The following ZSWIM5 variants were observed in gnomAD, a reference collection of about 807,000 sequenced individuals.
The protein encoded by ZSWIM5 is zinc finger SWIM-type containing 5.
A neutral mutation model predicts 119.6 loss-of-function variants in ZSWIM5; 55 were observed. The ratio of observed to expected loss-of-function variants is 0.46; its 90% CI spans 0.37 to 0.58. ZSWIM5 has a LOEUF of 0.58. ZSWIM5 is among the 20% of genes least tolerant of loss of function. The pLI is 0.00. For missense variants in ZSWIM5, 1,193 were observed against 1,512.8 expected, an observed-to-expected ratio of 0.79 and a Z score of 3.51; for synonymous variants, 537 against 606.9, an observed-to-expected ratio of 0.88 and a Z score of 1.69.
intron 11 of ZSWIM5, among the ~76,000 whole-genome samples, chr1:45,033,895 C>T (rs1345294183): frequency 1.3e-5 from 2 of 150,996 alleles, no homozygotes; most frequent in Non-Finnish European, 2.9e-5. Context: ...CGGAGTCTTG[C>T]TCTGTCACCC....
chr1:45,019,278 T>C lies in ZSWIM5; in HGVS notation c.2734A>G (p.Thr912Ala). ...ALVSILQSWYTLFTPTEATSI... is the reference protein window; with the variant it reads ...ALVSILQSWYALFTPTEATSI... ...GTAGCCTCAGTAGGGGTGAAGAGTG[T>C]GTACCAGCTCTGCAAGATGCTCACC... Residue 912 changes from threonine (T) to alanine (A), a missense_variant, in exon 14 of 14, where the codon ACA (threonine) becomes GCA (alanine). Transcript: ENST00000359600. This position sits in a 1 kb window ranked among gnomAD's most constrained non-coding sequence, Gnocchi z 5.0. 1.2e-6 allele frequency: 2 copies of C among 1,613,428 alleles called. No individual in the cohort carries two copies. The highest frequency in any genetic ancestry group is 1.7e-6 in the Non-Finnish European group (2 of 1,179,978).
chr1:45,151,949 T>C (rs1351300858), intron 1 of ZSWIM5, among the ~76,000 whole-genome samples: 1 of 152,240 alleles, frequency 6.6e-6, no homozygotes. Context: ...CTGGTACTTA[T>C]TGGTATCTAC....
At chr1:45,048,496 C>CT in intron 5 of ZSWIM5, among the ~76,000 whole-genome samples, 2 of 152,184 alleles carry the variant, frequency 1.3e-5, no homozygotes, top group East Asian at 3.9e-4. Context: ...ACCAAGGACT[C>CT]TAACGTGGAT....
intron 2 of ZSWIM5, among the ~76,000 whole-genome samples, chr1:45,065,894 G>A (rs565072852): frequency 6.6e-6 from 1 of 151,516 alleles, no homozygotes. Flanking sequence ...TAAGTTTTAG[G>A]GTACATGTGC....
At chr1:45,116,849 T>A (rs889848766) in intron 1 of ZSWIM5, among the ~76,000 whole-genome samples, 1 of 152,212 alleles carries the variant, frequency 6.6e-6, no homozygotes, top group African/African-American at 2.4e-5. Context: ...GACACTATGT[T>A]ACATTTGCTC....
chr1:45,113,041 C>T (rs76123842), intron 1 of ZSWIM5, among the ~76,000 whole-genome samples: 3,138 of 152,274 alleles, frequency 0.021, 115 homozygotes, highest in African/African-American at 0.072. Context: ...ATGTGGAAAA[C>T]TGTAAAGCTC....
chr1:45,142,731 TAAAAAAGAAATAATACC>T (rs897818837), intron 1 of ZSWIM5, among the ~76,000 whole-genome samples: 37 of 151,766 alleles, frequency 2.4e-4, no homozygotes, highest in Non-Finnish European at 2.8e-4. Flanking sequence ...TCCAAATATT[TAAAAAAGAAATAATACC>T]AATTTTATAA....
chr1:45,166,179 A>T (rs1301445543), intron 1 of ZSWIM5, among the ~76,000 whole-genome samples: 1 of 152,132 alleles, frequency 6.6e-6, no homozygotes, highest in Non-Finnish European at 1.5e-5. Flanking sequence ...AAATCAATAA[A>T]CGTAATCCAT....
chr1:45,029,060 A>G (rs1177716093), intron 11 of ZSWIM5, among the ~76,000 whole-genome samples: 1 of 152,218 alleles, frequency 6.6e-6, no homozygotes, highest in Non-Finnish European at 1.5e-5. Context: ...ACTCCTGACT[A>G]TTGTAGTGTG....
chr1:45,121,653 G>A (rs980542805), intron 1 of ZSWIM5, among the ~76,000 whole-genome samples: 2 of 145,410 alleles, frequency 1.4e-5, no homozygotes, highest in African/African-American at 5.2e-5. Context: ...AGGCTGGAGT[G>A]CAGTGGCACA....
chr1:45,202,968 T>C (rs1646166770), intron 1 of ZSWIM5, among the ~76,000 whole-genome samples: 1 of 152,056 alleles, frequency 6.6e-6, no homozygotes, highest in Non-Finnish European at 1.5e-5. Flanking sequence ...AAGTTAAAAA[T>C]GCAGATGCTG....
At chr1:45,078,924 C>T (rs1014815807) in intron 2 of ZSWIM5, among the ~76,000 whole-genome samples, 4 of 152,216 alleles carry the variant, frequency 2.6e-5, no homozygotes, top group Admixed American at 6.5e-5. Flanking sequence ...TGAGCCCAAG[C>T]TAAGCCATCG....
At chr1:45,155,919 C>G (rs983887865) in intron 1 of ZSWIM5, among the ~76,000 whole-genome samples, 24 of 151,974 alleles carry the variant, frequency 1.6e-4, no homozygotes, top group Non-Finnish European at 3.1e-4. Flanking sequence ...TACAAGACTA[C>G]AAATTGGGTT....
chr1:45,132,038 C>CA (rs1257039351), intron 1 of ZSWIM5, among the ~76,000 whole-genome samples: 2 of 149,074 alleles, frequency 1.3e-5, no homozygotes, highest in East Asian at 3.9e-4. Flanking sequence ...GCAGAAAGAT[C>CA]AAAAAATTTT....
At chr1:45,068,371 G>T (rs1645198734) in intron 2 of ZSWIM5, among the ~76,000 whole-genome samples, 1 of 151,890 alleles carries the variant, frequency 6.6e-6, no homozygotes, top group Admixed American at 6.6e-5. Context: ...CTCCCAAAGT[G>T]CTGGGATTAC....
intron 1 of ZSWIM5, among the ~76,000 whole-genome samples, chr1:45,200,952 C>A (rs1646154565): frequency 6.6e-6 from 1 of 152,120 alleles, no homozygotes; most frequent in African/African-American, 2.4e-5. Context: ...CTCAGTCCCT[C>A]ATGATGTGAC....
At chr1:45,071,271 A>G (rs367691161) in intron 2 of ZSWIM5, among the ~76,000 whole-genome samples, 3 of 151,830 alleles carry the variant, frequency 2.0e-5, no homozygotes, top group African/African-American at 4.8e-5. Flanking sequence ...ACATCCCCCC[A>G]CTACCCTTCC....
chr1:45,037,748 C>G (rs1283947742), intron 8 of ZSWIM5, among the ~76,000 whole-genome samples: 1 of 152,180 alleles, frequency 6.6e-6, no homozygotes, highest in Non-Finnish European at 1.5e-5. Context: ...ATATCTCTAC[C>G]CAGAGAAATC....
chr1:45,040,937 G>A (rs1447548699), intron 6 of ZSWIM5, among the ~76,000 whole-genome samples: 2 of 152,130 alleles, frequency 1.3e-5, no homozygotes, highest in Non-Finnish European at 2.9e-5. Flanking sequence ...GCTGGGCAAA[G>A]AAAGTACAAA....
Sources: gnomAD v4.1 joint callset for allele counts (sites outside exome capture counted in the v4.1 genomes callset) on GRCh38, gnomAD v4.1.1 for gene constraint, Gnocchi (gnomAD v3.1) non-coding constraint, MANE v1.5 for transcripts, NCBI Gene and HGNC (gene_info 2026-07-23, HGNC 2026-07-21) for gene names.